The following HSF2 variants were observed in gnomAD, a reference collection of about 807,000 sequenced individuals.
HSF2 encodes the protein heat shock transcription factor 2.
A neutral mutation model predicts 65.0 loss-of-function variants in HSF2; 21 were observed. The ratio of observed to expected loss-of-function variants is 0.32; its 90% CI spans 0.23 to 0.47. The LOEUF is 0.47. Ranked by LOEUF, HSF2 falls within the 20% of genes least tolerant of loss-of-function variation. The pLI, the probability that HSF2 is intolerant of heterozygous loss-of-function variation, is 1.00. For synonymous variants in HSF2, 225 were observed against 219.1 expected (o/e 1.03, Z -0.24); for missense variants, 499 against 628.1 (o/e 0.79, Z 2.20).
intron 8 of HSF2, 43 bp downstream of exon 8, chr6:122,422,341 T>C (rs1427393225): frequency 7.1e-7 from 1 of 1,400,446 alleles, no homozygotes; most frequent in Admixed American, 1.9e-5. Flanking sequence ...TATTGATTAC[T>C]TTTCTTATTA....
At chr6:122,401,867 G>T (rs946800849) in intron 1 of HSF2, among the ~76,000 whole-genome samples, 3 of 152,100 alleles carry the variant, frequency 2.0e-5, no homozygotes, top group African/African-American at 7.2e-5. Flanking sequence ...GTATAGATGA[G>T]GATTTGAGGC....
chr6:122,420,192 C>T lies in HSF2; in HGVS notation c.651C>T (p.Val217=). The T allele has an allele frequency of 1.9e-6, 3 of 1,604,316 alleles. No homozygotes were observed. The highest frequency in any genetic ancestry group is 2.6e-6 in the Non-Finnish European group (3 of 1,172,252). The change falls in exon 7 of 13, where the codon GTC becomes GTT. Residue 217 remains valine, a synonymous_variant. Coordinates refer to ENST00000368455, the MANE Select transcript of HSF2 (RefSeq NM_004506.4). ...AGAAGAACCTGTTTCAGCACATAGT[C>T]AAAGAACCAACTGATAATCATCATC... The part of the protein sequence containing the change: ...AQKKNLFQHI[V]KEPTDNHHHK...
chr6:122,403,403 T>G (rs1438038445), intron 1 of HSF2, among the ~76,000 whole-genome samples: 2 of 152,058 alleles, frequency 1.3e-5, no homozygotes, highest in Non-Finnish European at 2.9e-5. Context: ...CCCAGGAGTT[T>G]GAGACCAGCC....
intron 1 of HSF2, among the ~76,000 whole-genome samples, chr6:122,407,211 C>T (rs896127413): frequency 7.9e-5 from 12 of 152,136 alleles, no homozygotes; most frequent in African/African-American, 2.9e-4. Context: ...TCAACTGTGT[C>T]ACATGCTGTT....
chr6:122,411,205 T>A (rs1773985301), intron 1 of HSF2, among the ~76,000 whole-genome samples: 1 of 151,838 alleles, frequency 6.6e-6, no homozygotes, highest in Non-Finnish European at 1.5e-5. Context: ...CCTAATGATT[T>A]GTGTTACTGA....
chr6:122,399,997 G>A (rs929773607), intron 1 of HSF2, among the ~76,000 whole-genome samples, 167 bp downstream of exon 1: 17 of 152,100 alleles, frequency 1.1e-4, no homozygotes, highest in Non-Finnish European at 1.6e-4. Context: ...TTGTTCGCTC[G>A]GGGAGCCGCG....
At chr6:122,413,432 C>A in intron 3 of HSF2, 93 bp from the exon 4 acceptor site, 3 of 861,646 alleles carry the variant, frequency 3.5e-6, no homozygotes, top group African/African-American at 1.7e-5. Flanking sequence ...ACTTCCTGAA[C>A]AGGCTACGAA....
At chr6:122,414,713 G>A (rs1002476525) in intron 4 of HSF2, among the ~76,000 whole-genome samples, 3 of 151,576 alleles carry the variant, frequency 2.0e-5, no homozygotes, top group Non-Finnish European at 1.5e-5. Context: ...TGCAATCTCC[G>A]CCTGCCGGTT....
At position 122,432,245 on chromosome 6, in the gene HSF2, G is replaced by A. The variant is rs1774491586; in HGVS notation, c.*25G>A. 6.6e-7 allele frequency: 1 copy of A among 1,516,768 alleles called. No individual in the cohort carries two copies. Among genetic ancestry groups the A allele is most frequent in the African/African-American group, 1.4e-5 (1 of 71,604 alleles). 94.0% of individuals were successfully genotyped at this position (1,516,768 alleles called of 1,614,324 possible). ...AATCCCCAGGAAGTGGACTTTACAT[G>A]TATATATTCATCAAAATGATGAACT... On this transcript the variant is annotated 3_prime_UTR_variant, in exon 13 of 13. Transcript: ENST00000368455.
At chr6:122,403,252 C>G (rs1773783194) in intron 1 of HSF2, among the ~76,000 whole-genome samples, 1 of 152,102 alleles carries the variant, frequency 6.6e-6, no homozygotes, top group South Asian at 2.1e-4. Context: ...TGAAATTATA[C>G]TTAAATATGT....
At position 122,427,984 on chromosome 6, in the gene HSF2, C is replaced by G. The variant is rs759958623; in HGVS notation, c.1230+28C>G. ...AAGTTTTAATTCATGTTGCTCAGGACCCATAGCTATAAAAATCTACAAAAA... is the reference window on the plus strand; with the variant it reads ...AAGTTTTAATTCATGTTGCTCAGGAGCCATAGCTATAAAAATCTACAAAAA... On this transcript the variant is annotated intron_variant, in intron 11 of 12. Coordinates refer to ENST00000368455, the MANE Select transcript of HSF2 (RefSeq NM_004506.4). 2.7e-6 allele frequency: 4 copies of G among 1,476,716 alleles called. No homozygotes were observed. In the African/African-American group the frequency reaches 5.7e-5, roughly 21 times the overall value. The allele number at this position is 1,476,716 out of a possible 1,614,324, so 91.5% of individuals were successfully genotyped here.
intron 4 of HSF2, among the ~76,000 whole-genome samples, chr6:122,414,905 C>T (rs944937094): frequency 3.9e-5 from 6 of 152,226 alleles, no homozygotes; most frequent in African/African-American, 1.4e-4. Context: ...GCACGAGCCA[C>T]CGCACCCAGC....
intron 1 of HSF2, among the ~76,000 whole-genome samples, chr6:122,400,103 G>A (rs1031163079): frequency 6.6e-6 from 1 of 152,170 alleles, no homozygotes; most frequent in African/African-American, 2.4e-5. Context: ...TAACGGTCCG[G>A]TCCGCGTTCG....
chr6:122,403,971 T>G (rs1437741837), intron 1 of HSF2, among the ~76,000 whole-genome samples: 1 of 152,220 alleles, frequency 6.6e-6, no homozygotes, highest in Non-Finnish European at 1.5e-5. Context: ...CAACGTATGC[T>G]GAAGTGAAGC....
In HSF2 at chr6:122,432,085, C is replaced by T; in HGVS notation, c.1476C>T (p.Asp492=). ...EVDELLDSSL[D]PEPTQSKLVR... ...ATGAGCTTCTGGATAGCAGCCTAGA[C>T]CCAGAACCAACCCAAAGTAAGCTTG... is the stretch of plus-strand genomic sequence containing the variant. Residue 492 remains aspartate (D), a synonymous_variant, in exon 13 of 13, where the codon GAC becomes GAT. Transcript: ENST00000368455. The T allele has an allele frequency of 6.2e-7, 1 of 1,614,094 alleles. No homozygotes were observed. The highest frequency in any genetic ancestry group is 1.3e-5 in the African/African-American group (1 of 75,044).
chr6:122,428,165 A>G (rs1474855770), intron 11 of HSF2, among the ~76,000 whole-genome samples: 2 of 152,054 alleles, frequency 1.3e-5, no homozygotes, highest in Non-Finnish European at 2.9e-5. Context: ...TGTGGGATTA[A>G]CTACCAGTAT....
intron 7 of HSF2, among the ~76,000 whole-genome samples, chr6:122,420,681 C>T (rs1242199736): frequency 1.0e-5 from 1 of 98,798 alleles, no homozygotes; most frequent in Non-Finnish European, 2.1e-5. Flanking sequence ...TTAAACATAG[C>T]GATTTAGTTT....
chr6:122,413,731 G>A, intron 4 of HSF2, 82 bp downstream of exon 4: 2 of 1,182,636 alleles, frequency 1.7e-6, no homozygotes, highest in Non-Finnish European at 2.5e-6. Flanking sequence ...GTTGTCTGAT[G>A]TTTTATTGTA....
intron 7 of HSF2, among the ~76,000 whole-genome samples, chr6:122,421,901 T>A (rs1056419815): frequency 6.6e-6 from 1 of 152,110 alleles, no homozygotes; most frequent in African/African-American, 2.4e-5. Flanking sequence ...TTTAGGGGTG[T>A]CATCTTCAGG....
Sources: gnomAD v4.1 joint callset for allele counts (sites outside exome capture counted in the v4.1 genomes callset) on GRCh38, gnomAD v4.1.1 for gene constraint, MANE v1.5 for transcripts, NCBI Gene and HGNC (gene_info 2026-07-23, HGNC 2026-07-21) for gene names.